Variants in CPLANE1 observed in about 807,000 individuals in gnomAD.
CPLANE1 encodes ciliogenesis and planar polarity effector complex subunit 1, also known as ciliogenesis and planar polarity effector 1.
Under a neutral mutation model 362.5 loss-of-function variants are expected in CPLANE1, and 263 were observed. The observed-to-expected ratio is 0.73, with a 90% CI of 0.66 to 0.80. The LOEUF (loss-of-function observed/expected upper bound fraction) is 0.80, where lower values mean the gene tolerates loss of function less well. Ranked by LOEUF, CPLANE1 falls within the 30% of genes least tolerant of loss-of-function variation. CPLANE1 has a pLI of 0.00. For missense variants in CPLANE1, 3,461 were observed against 3,793.4 expected (o/e 0.91, Z 2.30); for synonymous variants, 1,212 against 1,302.6 (o/e 0.93, Z 1.50).
At chr5:37,219,012 C>A (rs773062623) in intron 15 of CPLANE1, among the ~76,000 whole-genome samples, 14 of 151,140 alleles carry the variant, frequency 9.3e-5, no homozygotes, top group Non-Finnish European at 1.9e-4. Flanking sequence ...AAAGTTAAAT[C>A]ACGTAAGGAC....
At chr5:37,110,803 C>G (rs1345764546) in intron 51 of CPLANE1, among the ~76,000 whole-genome samples, 1 of 125,046 alleles carries the variant, frequency 8.0e-6, no homozygotes, top group East Asian at 2.3e-4. Flanking sequence ...AATGTATTAA[C>G]TTTTTTTTTT....
In CPLANE1 at chr5:37,125,245, G is replaced by A. The variant is rs201423077; in HGVS notation, c.8957C>T (p.Pro2986Leu). 40 of 1,610,578 alleles carry A rather than the reference G, an allele frequency of 2.5e-5. 1 individual carries two copies. The East Asian group carries it at 8.7e-4, about 35-fold the overall frequency. Reference protein sequence around the residue: ...EHDPFCPRSNPLYMTSREIRL... With the variant: ...EHDPFCPRSNLLYMTSREIRL... The stretch of plus-strand genomic sequence containing the variant: ...TTACCCTTGACATGGCAGACTTACT[G>A]GATTGCTTCTGGGACAGAAAGGATC... The change falls in exon 47 of 53, where the codon CCA becomes CTA. Residue 2986 changes from proline (P) to leucine (L), a missense_variant and splice_region_variant. By Grantham distance (98) the Pro-to-Leu change is moderately conservative. Coordinates refer to ENST00000651892, the MANE Select transcript of CPLANE1 (RefSeq NM_001384732.1).
chr5:37,141,761 T>C (rs907677517), intron 44 of CPLANE1: 21 of 981,822 alleles, frequency 2.1e-5, no homozygotes, highest in Non-Finnish European at 2.4e-5. Context: ...GTATATTCAT[T>C]AGGACTAAAG....
intron 16 of CPLANE1, chr5:37,210,439 A>C: frequency 9.7e-7 from 1 of 1,026,988 alleles, no homozygotes; most frequent in Non-Finnish European, 1.5e-6. Flanking sequence ...GAACTAAAGG[A>C]CGACTACATC....
chr5:37,120,158 G>T, intron 50 of CPLANE1, 58 bp downstream of exon 50: 1 of 1,534,890 alleles, frequency 6.5e-7, no homozygotes, highest in Non-Finnish European at 8.8e-7. Flanking sequence ...ACACAACTTT[G>T]GAGACAAGAA....
intron 7 of CPLANE1, 38 bp downstream of exon 7, chr5:37,239,675 C>T (rs1799900109): frequency 7.7e-7 from 1 of 1,304,740 alleles, no homozygotes; most frequent in South Asian, 2.3e-5. Flanking sequence ...TAAACTCCTT[C>T]TTTTATAGAT....
intron 46 of CPLANE1, among the ~76,000 whole-genome samples, chr5:37,137,606 A>C (rs1768119932): frequency 6.6e-6 from 1 of 152,238 alleles, no homozygotes; most frequent in Non-Finnish European, 1.5e-5. Context: ...TAATTAACTC[A>C]CAGTTCAGCA....
chr5:37,081,862 C>T, the CPLANE1 span, among the ~76,000 whole-genome samples: 2 of 151,780 alleles, frequency 1.3e-5, no homozygotes, highest in Non-Finnish European at 2.9e-5. Flanking sequence ...TGACATTGGC[C>T]GGGCACAGTG....
intron 13 of CPLANE1, 30 bp from the exon 14 acceptor site, chr5:37,224,363 T>C (rs973380869): frequency 8.4e-6 from 12 of 1,431,774 alleles, no homozygotes; most frequent in East Asian, 2.5e-5. Context: ...CAATTAGTCA[T>C]AGTTAATTAT....
At chr5:37,076,787 T>C in the CPLANE1 span, among the ~76,000 whole-genome samples, 1 of 150,298 alleles carries the variant, frequency 6.7e-6, no homozygotes, top group Admixed American at 6.7e-5. Context: ...TTTTGCCTAT[T>C]TAATTTGGAT....
intron 37 of CPLANE1, among the ~76,000 whole-genome samples, chr5:37,163,986 G>T (rs932384813): frequency 1.3e-5 from 2 of 152,220 alleles, no homozygotes; most frequent in African/African-American, 4.8e-5. Context: ...GGATGTGCTA[G>T]GAGAATGACC....
At chr5:37,093,011 C>T in the CPLANE1 span, among the ~76,000 whole-genome samples, 7 of 152,134 alleles carry the variant, frequency 4.6e-5, no homozygotes, top group African/African-American at 1.4e-4. Context: ...CTGAGGCATT[C>T]CTACCAGTCA....
In CPLANE1 at chr5:37,141,919, T is replaced by C. The variant is rs573265639; in HGVS notation, c.8632+391A>G. 3 of 553,644 alleles carry C rather than the reference T, an allele frequency of 5.4e-6. No individual in the cohort carries two copies. In the African/African-American group the frequency reaches 6.1e-5, roughly 11 times the overall value. The allele number at this position is 553,644 out of a possible 1,614,324, so 34.3% of individuals were successfully genotyped here. A position where few individuals can be genotyped will look rare whatever the true frequency, so the allele number is the denominator to read the frequency against. ...AGGCTTAAACCAGAATCTATGCATA[T>C]AAAACAGTGATGTTTGGCACATGGT... On this transcript the variant is annotated intron_variant, in intron 44 of 52. Transcript: ENST00000651892.
chr5:37,089,846 C>T, the CPLANE1 span, among the ~76,000 whole-genome samples: 1 of 152,160 alleles, frequency 6.6e-6, no homozygotes, highest in Non-Finnish European at 1.5e-5. Flanking sequence ...CTAAATAGTC[C>T]TGCCATGTGT....
In CPLANE1 at chr5:37,224,712, T is replaced by C; in HGVS notation, c.2320A>G (p.Lys774Glu). ...TGTGCTTGATACCATAAAGTTTTTT[T>C]GTACAGTATTCTCCAGAGAATAAGC... is the stretch of plus-strand genomic sequence containing the variant. ...RLLILWRILYKKTLWYQAQLN... is the reference protein window; with the variant it reads ...RLLILWRILYEKTLWYQAQLN... The change falls in exon 13 of 53, where the codon AAA (lysine) becomes GAA (glutamate). Residue 774 changes from lysine (K) to glutamate (E), a missense_variant. By Grantham distance (56) the Lys-to-Glu change is moderately conservative. Around this residue, in one of 2 missense-constraint regions of CPLANE1, gnomAD observed 3,380 missense variants for 3,666.1 expected, o/e 0.92. Coordinates refer to ENST00000651892, the MANE Select transcript of CPLANE1 (RefSeq NM_001384732.1). The C allele has an allele frequency of 6.4e-7, 1 of 1,551,268 alleles. No homozygotes were observed. The highest frequency in any genetic ancestry group is 1.2e-5 in the South Asian group (1 of 84,028).
chr5:37,180,910 T>C lies in CPLANE1; in HGVS notation c.5517A>G (p.Pro1839=). 1.9e-6 allele frequency: 3 copies of C among 1,614,080 alleles called. No individual in the cohort carries two copies. Among genetic ancestry groups the C allele is most frequent in the East Asian group, 2.2e-5 (1 of 44,880 alleles). The change falls in exon 27 of 53, where the codon CCA becomes CCG. Residue 1839 remains proline, a synonymous_variant. Transcript: ENST00000651892. ...GACCATTTCTTTCCTCAGTTCCACC[T>C]GGAGTTGCTACTGCAACTGAACCGC... The part of the protein sequence containing the change: ...DAGGSVAVAT[P]GGTEERNGQN...
At chr5:37,122,875 C>T (rs1196935396) in intron 47 of CPLANE1, among the ~76,000 whole-genome samples, 5 of 151,492 alleles carry the variant, frequency 3.3e-5, no homozygotes, top group South Asian at 2.1e-4. Flanking sequence ...AGCAAGGCTC[C>T]GTTTCAAAAA....
intron 46 of CPLANE1, among the ~76,000 whole-genome samples, chr5:37,136,482 G>A (rs1767744238): frequency 6.6e-6 from 1 of 152,168 alleles, no homozygotes; most frequent in Non-Finnish European, 1.5e-5. Context: ...CCAGGCACAT[G>A]GTGCAAGCTG....
intron 41 of CPLANE1, 135 bp downstream of exon 41, chr5:37,157,178 A>AC (rs1196159027): frequency 1.2e-5 from 4 of 339,020 alleles, no homozygotes; most frequent in African/African-American, 6.4e-5. Context: ...TATTTCATTT[A>AC]CCTACTTGCC....
Sources: gnomAD v4.1 joint callset for allele counts (sites outside exome capture counted in the v4.1 genomes callset) on GRCh38, gnomAD v4.1.1 for gene constraint, gnomAD v4.1.1 regional missense constraint, MANE v1.5 for transcripts, NCBI Gene and HGNC (gene_info 2026-07-23, HGNC 2026-07-21) for gene names.